CHN1: variants seen among roughly 807,000 people sequenced by gnomAD.
CHN1 encodes N-chimaerin.
In CHN1, 37 loss-of-function variants were observed where a neutral mutation model predicts 59.5. The observed-to-expected ratio is 0.62, with a 90% CI of 0.48 to 0.82. The LOEUF is 0.82. Ranked by LOEUF, CHN1 falls within the 40% of genes least tolerant of loss-of-function variation. The probability of loss-of-function intolerance (pLI) is 0.00; values close to 1 mark genes in which losing one functional copy is unlikely to be tolerated. For synonymous variants in CHN1, 206 were observed against 200.4 expected (o/e 1.03, Z -0.24); for missense variants, 469 against 571.0 (o/e 0.82, Z 1.82).
At chr2:174,999,037 A>T (rs1276431336) in intron 1 of CHN1, among the ~76,000 whole-genome samples, 1 of 152,140 alleles carries the variant, frequency 6.6e-6, no homozygotes, top group Non-Finnish European at 1.5e-5. Flanking sequence ...AGGAATGTAT[A>T]TTTATAACTT....
chr2:174,989,554 C>G (rs570638710), intron 1 of CHN1, among the ~76,000 whole-genome samples: 1 of 151,792 alleles, frequency 6.6e-6, no homozygotes, highest in Non-Finnish European at 1.5e-5. Context: ...AAGGTTCCTC[C>G]TAAGGTGGGA....
intron 3 of CHN1, among the ~76,000 whole-genome samples, chr2:174,920,028 T>A (rs759993225): frequency 3.2e-4 from 48 of 152,080 alleles, no homozygotes; most frequent in Admixed American, 1.2e-3. Flanking sequence ...ATTCCACAAG[T>A]GAGATCATGC....
At chr2:174,976,867 C>T (rs1690962036) in intron 1 of CHN1, among the ~76,000 whole-genome samples, 1 of 152,066 alleles carries the variant, frequency 6.6e-6, no homozygotes, top group South Asian at 2.1e-4. Flanking sequence ...GGCATCTGTC[C>T]ACTAAATAAC....
At chr2:174,812,989 T>C (rs1174618626) in intron 8 of CHN1, among the ~76,000 whole-genome samples, 1 of 152,212 alleles carries the variant, frequency 6.6e-6, no homozygotes, top group Non-Finnish European at 1.5e-5. Flanking sequence ...TAATATATAA[T>C]TCCTCTAGTA....
chr2:174,981,909 A>T (rs969373512), intron 1 of CHN1, among the ~76,000 whole-genome samples: 2 of 151,976 alleles, frequency 1.3e-5, no homozygotes, highest in Non-Finnish European at 2.9e-5. Flanking sequence ...ACTCGTCATT[A>T]AACATTAGGT....
At chr2:174,831,849 A>T (rs1685890471) in intron 7 of CHN1, among the ~76,000 whole-genome samples, 1 of 152,166 alleles carries the variant, frequency 6.6e-6, no homozygotes, top group South Asian at 2.1e-4. Flanking sequence ...GTAAAAATCA[A>T]CACTTTGAAA....
chr2:174,816,010 T>C (rs1574048010), intron 8 of CHN1, among the ~76,000 whole-genome samples: 1 of 152,192 alleles, frequency 6.6e-6, no homozygotes, highest in East Asian at 1.9e-4. Context: ...TCTGTGGCAC[T>C]GGGTGGGAGG....
At chr2:174,999,671 T>TA (rs1475507089) in intron 1 of CHN1, among the ~76,000 whole-genome samples, 3 of 151,834 alleles carry the variant, frequency 2.0e-5, no homozygotes, top group Non-Finnish European at 2.9e-5. Flanking sequence ...AGAGTTGGGG[T>TA]AAAAAAAAGT....
chr2:174,871,383 A>C (rs1325502570), intron 6 of CHN1, among the ~76,000 whole-genome samples: 4 of 151,928 alleles, frequency 2.6e-5, no homozygotes, highest in Non-Finnish European at 5.9e-5. Flanking sequence ...AAACTGAATG[A>C]CTGTTTTTCT....
intron 3 of CHN1, among the ~76,000 whole-genome samples, chr2:174,943,430 T>A (rs1689733105): frequency 6.6e-6 from 1 of 152,154 alleles, no homozygotes; most frequent in African/African-American, 2.4e-5. Flanking sequence ...TTTCACCATG[T>A]TGGCCAGGCT....
chr2:174,976,000 T>C (rs1161879694), intron 1 of CHN1, among the ~76,000 whole-genome samples: 4 of 150,464 alleles, frequency 2.7e-5, no homozygotes, highest in Non-Finnish European at 5.9e-5. Context: ...GTGGCGGGTG[T>C]CTGTAGTCCC....
At chr2:174,894,846 T>C (rs1688162547) in intron 5 of CHN1, among the ~76,000 whole-genome samples, 1 of 151,992 alleles carries the variant, frequency 6.6e-6, no homozygotes, top group Admixed American at 6.6e-5. Context: ...AAATGGAAAA[T>C]TTAGAAATAA....
intron 8 of CHN1, among the ~76,000 whole-genome samples, chr2:174,823,392 G>A (rs972068285): frequency 1.3e-4 from 20 of 152,240 alleles, no homozygotes; most frequent in African/African-American, 3.9e-4. Flanking sequence ...GGCTGGGTGC[G>A]GTGGCTCACG....
At chr2:174,955,813 T>C (rs1690187375) in intron 1 of CHN1, among the ~76,000 whole-genome samples, 1 of 152,124 alleles carries the variant, frequency 6.6e-6, no homozygotes, top group Admixed American at 6.5e-5. Flanking sequence ...CAAATACCGT[T>C]ATCTTCTCAC....
At chr2:174,915,568 G>T (rs1688823016) in intron 4 of CHN1, among the ~76,000 whole-genome samples, 1 of 151,012 alleles carries the variant, frequency 6.6e-6, no homozygotes, top group Non-Finnish European at 1.5e-5. Context: ...CCCATTAGTA[G>T]CACTGCTCCA....
At chr2:174,913,887 G>C (rs191050210) in intron 5 of CHN1, among the ~76,000 whole-genome samples, 2 of 152,224 alleles carry the variant, frequency 1.3e-5, no homozygotes, top group African/African-American at 4.8e-5. Context: ...TCATATATTT[G>C]ACCTCTGTCT....
At chr2:174,972,047 G>A (rs929879507) in intron 1 of CHN1, among the ~76,000 whole-genome samples, 1 of 152,120 alleles carries the variant, frequency 6.6e-6, no homozygotes, top group African/African-American at 2.4e-5. Context: ...GCTAAACAAT[G>A]AACAATAATA....
At chr2:174,882,682 C>T (rs1165223384) in intron 5 of CHN1, among the ~76,000 whole-genome samples, 1 of 152,146 alleles carries the variant, frequency 6.6e-6, no homozygotes, top group African/African-American at 2.4e-5. Context: ...GTATTTCCAG[C>T]AACCAACATA....
At chr2:174,929,508 T>C (rs1399476361) in intron 3 of CHN1, among the ~76,000 whole-genome samples, 2 of 151,816 alleles carry the variant, frequency 1.3e-5, no homozygotes, top group Non-Finnish European at 2.9e-5. Context: ...AACTCGGGAG[T>C]TGGAGGTTGC....
Sources: allele counts gnomAD v4.1 joint callset (sites outside exome capture counted in the v4.1 genomes callset), GRCh38; gene constraint gnomAD v4.1.1; transcripts MANE v1.5; gene names NCBI Gene and HGNC (gene_info 2026-07-23, HGNC 2026-07-21).